Variants in BFSP1 observed in about 807,000 individuals in gnomAD.
BFSP1 encodes the protein beaded filament structural protein 1.
Under a neutral mutation model 43.9 loss-of-function variants are expected in BFSP1, and 38 were observed. The observed-to-expected ratio is 0.87, with a 90% confidence interval of 0.67 to 1.14. The LOEUF is 1.14. Among genes scored for constraint, BFSP1 ranks in the 50% most tolerant of loss-of-function variants. BFSP1 has a pLI of 0.00. For missense variants in BFSP1, 850 were observed against 875.1 expected (o/e 0.97, Z 0.36); for synonymous variants, 352 against 354.8 (o/e 0.99, Z 0.09).
chr20:17,530,871 C>T (rs1401747561), intron 1 of BFSP1, 82 bp downstream of exon 1: 31 of 1,292,178 alleles, frequency 2.4e-5, no homozygotes, highest in Non-Finnish European at 3.0e-5. Flanking sequence ...TCCACCCCTG[C>T]ATGGTAGCAG....
intron 1 of BFSP1, among the ~76,000 whole-genome samples, chr20:17,546,009 T>C (rs2034795074): frequency 6.6e-6 from 1 of 152,200 alleles, no homozygotes; most frequent in Admixed American, 6.5e-5. Flanking sequence ...ACTTTACCAC[T>C]TACCTTGAAT....
chr20:17,514,665 C>G (rs2034158829), intron 3 of BFSP1, 56 bp downstream of exon 3: 4 of 1,553,262 alleles, frequency 2.6e-6, no homozygotes, highest in Non-Finnish European at 2.7e-6. Flanking sequence ...CTCGGCTTAC[C>G]TGATCAAACC....
chr20:17,521,556 C>A (rs936200449), intron 2 of BFSP1, among the ~76,000 whole-genome samples: 1 of 152,202 alleles, frequency 6.6e-6, no homozygotes, highest in African/African-American at 2.4e-5. Context: ...CCAAAACCTG[C>A]AGGCCAAAAT....
chr20:17,548,251 G>T (rs2123575405), intron 1 of BFSP1, among the ~76,000 whole-genome samples: 2 of 150,158 alleles, frequency 1.3e-5, no homozygotes, highest in Middle Eastern at 3.5e-3. Flanking sequence ...GCATGTGTAT[G>T]ATAATGTTTT....
chr20:17,505,947 C>T (rs946549233), intron 5 of BFSP1, among the ~76,000 whole-genome samples: 1 of 151,964 alleles, frequency 6.6e-6, no homozygotes, highest in African/African-American at 2.4e-5. Context: ...TGTTACATGG[C>T]AAAAAGGGAC....
At chr20:17,496,430 G>A (rs983868288) in intron 7 of BFSP1, among the ~76,000 whole-genome samples, 11 of 152,220 alleles carry the variant, frequency 7.2e-5, no homozygotes, top group African/African-American at 2.7e-4. Context: ...CAGCCAAGCT[G>A]TTTCTGCCTG....
At chr20:17,532,699 CTT>C (rs1232135124), upstream of BFSP1, among the ~76,000 whole-genome samples, 2 of 151,658 alleles carry the variant, frequency 1.3e-5, no homozygotes, top group Non-Finnish European at 2.9e-5. Context: ...AATAGCTAGA[CTT>C]TGACAAATTT....
chr20:17,526,544 A>G (rs763559920), intron 1 of BFSP1, among the ~76,000 whole-genome samples: 4 of 152,234 alleles, frequency 2.6e-5, no homozygotes, highest in Non-Finnish European at 5.9e-5. Flanking sequence ...TGTATCGACC[A>G]CATTTTGTTT....
In BFSP1 at chr20:17,494,423, C is replaced by T. The variant is rs745835902; in HGVS notation, c.1649G>A (p.Gly550Asp). The T allele has an allele frequency of 1.2e-6, 2 of 1,614,140 alleles. No individual in the cohort carries two copies. The highest frequency in any genetic ancestry group is 1.3e-5 in the African/African-American group (1 of 74,938). Residue 550 changes from glycine to aspartate, a missense_variant, in exon 8 of 8, where the codon GGT becomes GAT. By Grantham distance (94) the Gly-to-Asp change is moderately conservative (BLOSUM62 -1). Coordinates refer to ENST00000377873, the MANE Select transcript of BFSP1 (RefSeq NM_001195.5). ...QPIDKEIEPD[G>D]AELEGPEEKR... ...CTCTTCAGGGCCTTCCAGCTCTGCA[C>T]CATCTGGCTCAATCTCCTTGTCTAT...
At chr20:17,561,853 G>T (rs1170660660), upstream of BFSP1, among the ~76,000 whole-genome samples, 2 of 152,128 alleles carry the variant, frequency 1.3e-5, no homozygotes, top group African/African-American at 2.4e-5. Context: ...AGCTCCCTAA[G>T]GTTATAGGCC....
At chr20:17,561,811 AATTTATTAG>A (rs2035069345), upstream of BFSP1, among the ~76,000 whole-genome samples, 1 of 152,132 alleles carries the variant, frequency 6.6e-6, no homozygotes, top group South Asian at 2.1e-4. Context: ...TGAAATATTT[AATTTATTAG>A]ATGGGCTTCA....
At chr20:17,552,058 A>G (rs1179777817) in intron 1 of BFSP1, among the ~76,000 whole-genome samples, 3 of 152,198 alleles carry the variant, frequency 2.0e-5, no homozygotes, top group Admixed American at 2.0e-4. Context: ...AATTGGAGAA[A>G]ACAGAAAGTA....
At chr20:17,566,702 T>A (rs1017509554) in intron 1 of BFSP1, among the ~76,000 whole-genome samples, 2 of 152,198 alleles carry the variant, frequency 1.3e-5, no homozygotes, top group African/African-American at 4.8e-5. Flanking sequence ...TTGCCCAGGA[T>A]GGAGTGCAGT....
intron 5 of BFSP1, among the ~76,000 whole-genome samples, chr20:17,503,111 C>T (rs544078743): frequency 1.3e-5 from 2 of 152,356 alleles, no homozygotes; most frequent in South Asian, 4.1e-4. Context: ...GAAGCCTCCA[C>T]ATCCTGGGCT....
At chr20:17,546,340 C>A (rs1444348811) in intron 1 of BFSP1, among the ~76,000 whole-genome samples, 2 of 152,156 alleles carry the variant, frequency 1.3e-5, no homozygotes, top group Non-Finnish European at 2.9e-5. Context: ...CATGGAGAAA[C>A]CGCCGCCATA....
rs12481046 is a variant in BFSP1, at chr20:17,499,911, A to G, written c.736-871T>C. Among the ~76,000 whole-genome samples the G allele has an allele frequency of 2.6e-3, 401 of 152,288 alleles. 7 individuals are homozygous for G. The highest frequency in any genetic ancestry group is 2.9e-3 in the East Asian group (15 of 5,180). ...ACTCCAGCCTGGGCAACAGAGCAAG[A>G]CTCTGTCTAAAAGAAAAAGAAAAAA... On this transcript the variant is annotated intron_variant, in intron 5 of 7. Transcript: ENST00000377873.
Position 17,530,967 on chromosome 20 carries a change from G to C in BFSP1, c.363C>G (p.Asp121Glu). 2.1e-6 allele frequency: 3 copies of C among 1,437,392 alleles called. No homozygotes were observed. Among genetic ancestry groups the C allele is most frequent in the Non-Finnish European group, 2.7e-6 (3 of 1,099,038 alleles). 89.0% of individuals were successfully genotyped at this position (1,437,392 alleles called of 1,614,324 possible). ...CCGCCGCTTACTTGCTTCGGAACTC[G>C]TCGAGCGCGCGCTGCGCCTCGGTGC... ...RQGTEAQRAL[D>E]EFRSKYENEC... is the part of the protein sequence containing the mutation. The change falls in exon 1 of 8, where the codon GAC becomes GAG. Residue 121 changes from aspartate to glutamate, a missense_variant. Transcript: ENST00000377873.
chr20:17,508,239 C>T (rs777680237), intron 5 of BFSP1, among the ~76,000 whole-genome samples: 6 of 94,252 alleles, frequency 6.4e-5, no homozygotes, highest in Non-Finnish European at 1.1e-4. Context: ...GAGAGAGAAC[C>T]GGAAGGAACA....
intron 4 of BFSP1, among the ~76,000 whole-genome samples, chr20:17,509,357 G>A (rs1238200758): frequency 1.4e-5 from 2 of 147,986 alleles, no homozygotes; most frequent in Non-Finnish European, 3.0e-5. Context: ...TCTTGATCTT[G>A]GACTTCCAGC....
Sources: gnomAD v4.1 joint callset for allele counts (sites outside exome capture counted in the v4.1 genomes callset) on GRCh38, gnomAD v4.1.1 for gene constraint, MANE v1.5 for transcripts, NCBI Gene and HGNC (gene_info 2026-07-23, HGNC 2026-07-21) for gene names.